MACROD2: variants seen among roughly 807,000 people sequenced by gnomAD.
MACROD2 encodes the protein ADP-ribose glycohydrolase MACROD2.
MACROD2 carries 36 observed loss-of-function variants against 70.4 expected under a neutral mutation model. That is an observed-to-expected ratio of 0.51 (90% CI 0.39 to 0.68). The LOEUF (loss-of-function observed/expected upper bound fraction) is 0.68. Ranked by LOEUF, MACROD2 falls within the 30% of genes least tolerant of loss-of-function variation. The probability of loss-of-function intolerance (pLI) is 0.00; values close to 1 mark genes in which losing one functional copy is unlikely to be tolerated. For synonymous variants in MACROD2, 172 were observed against 178.8 expected (o/e 0.96, Z 0.30); for missense variants, 496 against 538.4 (o/e 0.92, Z 0.78).
intron 8 of MACROD2, among the ~76,000 whole-genome samples, chr20:15,543,764 C>T (rs1406675590): frequency 1.3e-5 from 2 of 152,224 alleles, no homozygotes; most frequent in African/African-American, 4.8e-5. Flanking sequence ...TCAGCTGTGT[C>T]TGGAAGTCAG....
At chr20:14,001,617 C>T (rs966723729) in intron 1 of MACROD2, among the ~76,000 whole-genome samples, 17 of 151,856 alleles carry the variant, frequency 1.1e-4, no homozygotes, top group South Asian at 8.3e-4. Flanking sequence ...AAAAAAAAGA[C>T]GTTTAATAGA....
At chr20:15,346,960 G>A (rs1413979460) in intron 6 of MACROD2, among the ~76,000 whole-genome samples, 1 of 152,166 alleles carries the variant, frequency 6.6e-6, no homozygotes, top group Non-Finnish European at 1.5e-5. Flanking sequence ...GTAGCTGAGT[G>A]CATGGTCAGG....
chr20:15,852,606 C>T (rs996911286), intron 8 of MACROD2, among the ~76,000 whole-genome samples: 5 of 152,158 alleles, frequency 3.3e-5, no homozygotes, highest in Non-Finnish European at 7.3e-5. Context: ...TATTCGGTGA[C>T]ATTTGACAAA....
intron 6 of MACROD2, among the ~76,000 whole-genome samples, chr20:15,271,239 G>T (rs2077343587): frequency 6.6e-6 from 1 of 152,170 alleles, no homozygotes; most frequent in South Asian, 2.1e-4. Flanking sequence ...CTTGTTCATA[G>T]AAAGCATCCT....
At chr20:15,699,098 C>T (rs1206988712) in intron 8 of MACROD2, among the ~76,000 whole-genome samples, 2 of 152,186 alleles carry the variant, frequency 1.3e-5, no homozygotes, top group Non-Finnish European at 2.9e-5. Context: ...GATTTCTTCT[C>T]GGTTTGGATT....
At chr20:15,232,642 C>T (rs2076968874) in intron 6 of MACROD2, among the ~76,000 whole-genome samples, 1 of 152,016 alleles carries the variant, frequency 6.6e-6, no homozygotes, top group Admixed American at 6.5e-5. Flanking sequence ...GATGTTTTCA[C>T]ACCTCATGAT....
chr20:14,425,017 C>G (rs986116208), intron 3 of MACROD2, among the ~76,000 whole-genome samples: 1 of 152,140 alleles, frequency 6.6e-6, no homozygotes, highest in African/African-American at 2.4e-5. Context: ...GGGTTCCAAC[C>G]ATCTTTGAAC....
At chr20:15,625,932 A>G (rs1211734197) in intron 8 of MACROD2, among the ~76,000 whole-genome samples, 2 of 145,580 alleles carry the variant, frequency 1.4e-5, no homozygotes, top group Non-Finnish European at 3.0e-5. Flanking sequence ...AAAAAAAGAC[A>G]TATCTCAAAC....
intron 6 of MACROD2, among the ~76,000 whole-genome samples, chr20:15,409,440 C>A (rs1431970361): frequency 6.6e-6 from 1 of 152,110 alleles, no homozygotes; most frequent in Admixed American, 6.5e-5. Flanking sequence ...CAATGGAATG[C>A]AGAAAAAAGC....
At chr20:15,526,565 G>T (rs1375696414) in intron 8 of MACROD2, among the ~76,000 whole-genome samples, 1 of 152,100 alleles carries the variant, frequency 6.6e-6, no homozygotes, top group Non-Finnish European at 1.5e-5. Flanking sequence ...GAGTAGACAG[G>T]ATATGTTTAT....
At chr20:14,901,152 C>T (rs2073890301) in intron 5 of MACROD2, among the ~76,000 whole-genome samples, 1 of 151,892 alleles carries the variant, frequency 6.6e-6, no homozygotes, top group Non-Finnish European at 1.5e-5. Context: ...TAGTATTATT[C>T]TATAATAAAA....
chr20:15,337,711 AGAGAACAGTTCAT>A (rs1451404342), intron 6 of MACROD2, among the ~76,000 whole-genome samples: 1 of 151,750 alleles, frequency 6.6e-6, no homozygotes, highest in African/African-American at 2.4e-5. Flanking sequence ...TCAAAAAAAA[AGAGAACAGTTCAT>A]GAATTGGGAG....
chr20:15,091,526 A>G (rs965911709), intron 5 of MACROD2, among the ~76,000 whole-genome samples: 1 of 152,046 alleles, frequency 6.6e-6, no homozygotes, highest in African/African-American at 2.4e-5. Context: ...GGGAAACATC[A>G]TGGGCACTTT....
At chr20:14,711,717 G>T (rs1253524601) in intron 5 of MACROD2, among the ~76,000 whole-genome samples, 1 of 151,826 alleles carries the variant, frequency 6.6e-6, no homozygotes, top group African/African-American at 2.4e-5. Flanking sequence ...CAAATCCCCC[G>T]CCCCAGCCCC....
At chr20:14,003,945 T>C (rs971231843) in intron 2 of MACROD2, among the ~76,000 whole-genome samples, 1 of 152,222 alleles carries the variant, frequency 6.6e-6, no homozygotes, top group African/African-American at 2.4e-5. Flanking sequence ...TTTTTTTGTT[T>C]ATAAGCAACT....
intron 5 of MACROD2, among the ~76,000 whole-genome samples, chr20:14,794,253 C>T (rs1211128223): frequency 1.3e-5 from 2 of 152,154 alleles, no homozygotes; most frequent in African/African-American, 4.8e-5. Context: ...TAGTTATATA[C>T]TCAAATTATC....
At chr20:14,736,847 T>C (rs960036660) in intron 5 of MACROD2, among the ~76,000 whole-genome samples, 4 of 152,204 alleles carry the variant, frequency 2.6e-5, no homozygotes, top group African/African-American at 9.6e-5. Flanking sequence ...TTGTATTGTC[T>C]CTGCAGCAAA....
At chr20:14,677,789 T>C (rs796226277) in intron 4 of MACROD2, among the ~76,000 whole-genome samples, 39 of 152,242 alleles carry the variant, frequency 2.6e-4, no homozygotes, top group African/African-American at 7.9e-4. Context: ...TAGGAGAGCT[T>C]GGCTTTGGGT....
At chr20:15,553,218 C>T (rs1456440713) in intron 8 of MACROD2, among the ~76,000 whole-genome samples, 2 of 152,016 alleles carry the variant, frequency 1.3e-5, no homozygotes, top group South Asian at 4.2e-4. Flanking sequence ...ACACACGAGT[C>T]GACAAAATAA....
Sources: gnomAD v4.1 joint callset for allele counts (sites outside exome capture counted in the v4.1 genomes callset) on GRCh38, gnomAD v4.1.1 for gene constraint, MANE v1.5 for transcripts, NCBI Gene and HGNC (gene_info 2026-07-23, HGNC 2026-07-21) for gene names.